Variants in CADM2 observed in about 807,000 individuals in gnomAD.
CADM2 encodes the protein cell adhesion molecule 2.
A neutral mutation model predicts 49.8 loss-of-function variants in CADM2; 12 were observed. The observed-to-expected ratio is 0.24, with a 90% confidence interval of 0.15 to 0.39. The LOEUF is 0.39. CADM2 is among the 10% of genes least tolerant of loss of function. The pLI is 1.00. For missense variants in CADM2, 378 were observed against 492.3 expected (o/e 0.77, Z 2.20); for synonymous variants, 214 against 175.4 (o/e 1.22, Z -1.74).
chr3:85,021,981 T>TTATGTGTG (rs1480501761), intron 1 of CADM2, among the ~76,000 whole-genome samples: 14 of 152,174 alleles, frequency 9.2e-5, no homozygotes, highest in Non-Finnish European at 1.9e-4. Flanking sequence ...AGAGGAACTG[T>TTATGTGTG]TATGTGTGTT....
intron 1 of CADM2, among the ~76,000 whole-genome samples, chr3:85,082,264 A>G (rs2037192492): frequency 6.6e-6 from 1 of 152,190 alleles, no homozygotes; most frequent in Non-Finnish European, 1.5e-5. Context: ...GTAATATCCA[A>G]TAAATTGATA....
intron 1 of CADM2, among the ~76,000 whole-genome samples, chr3:85,709,186 G>A (rs961357756): frequency 4.6e-5 from 7 of 152,158 alleles, no homozygotes; most frequent in South Asian, 2.1e-4. Context: ...AGTTGAAAAC[G>A]TCACCAATGC....
At chr3:85,297,843 G>A (rs1428439399) in intron 1 of CADM2, among the ~76,000 whole-genome samples, 1 of 151,958 alleles carries the variant, frequency 6.6e-6, no homozygotes, top group Non-Finnish European at 1.5e-5. Context: ...ACCTTGTCAA[G>A]GGCAAGGAAT....
Position 85,638,186 on chromosome 3 carries a change from G to T in CADM2, c.62-88336G>T, listed in dbSNP as rs2064576427. 4.6e-5 allele frequency among the ~76,000 whole-genome samples: 7 copies of T among 152,052 alleles called. No homozygotes were observed. In the South Asian group the frequency reaches 1.5e-3, roughly 32 times the overall value. On this transcript the variant is annotated intron_variant, in intron 1 of 9. Coordinates refer to ENST00000383699, the MANE Select transcript of CADM2 (RefSeq NM_001167675.2). ...ACACTTGAATTAAGTCAGACAAAAT[G>T]AGTAGCCTCTAGAAGATTGCAATTT... is the stretch of plus-strand genomic sequence containing the variant.
intron 1 of CADM2, among the ~76,000 whole-genome samples, chr3:85,651,554 C>T (rs1559570436): frequency 6.6e-6 from 1 of 151,930 alleles, no homozygotes; most frequent in African/African-American, 2.4e-5. Flanking sequence ...CTCAAAGAAA[C>T]AGATATAAAA....
chr3:85,088,242 T>C (rs1305309031), intron 1 of CADM2, among the ~76,000 whole-genome samples: 2 of 152,132 alleles, frequency 1.3e-5, no homozygotes, highest in Admixed American at 1.3e-4. Flanking sequence ...CAAAAAGTAA[T>C]GGCTCAAGTC....
At chr3:85,825,406 G>A (rs1166676743) in intron 3 of CADM2, among the ~76,000 whole-genome samples, 1 of 152,018 alleles carries the variant, frequency 6.6e-6, no homozygotes, top group African/African-American at 2.4e-5. Flanking sequence ...ATCAAAACGT[G>A]CAGCCACTAC....
chr3:85,228,263 A>G (rs1041428779), intron 1 of CADM2, among the ~76,000 whole-genome samples: 12 of 152,116 alleles, frequency 7.9e-5, no homozygotes, highest in African/African-American at 2.7e-4. Context: ...AGGTACACCA[A>G]TCAAATGTAG....
chr3:85,850,201 T>G (rs1380649541), intron 3 of CADM2, among the ~76,000 whole-genome samples: 1 of 152,042 alleles, frequency 6.6e-6, no homozygotes, highest in Non-Finnish European at 1.5e-5. Flanking sequence ...CCGAAAGGAT[T>G]ATTATCACTG....
At chr3:85,230,988 G>GT (rs901773211) in intron 1 of CADM2, among the ~76,000 whole-genome samples, 5 of 148,700 alleles carry the variant, frequency 3.4e-5, no homozygotes, top group African/African-American at 1.0e-4. Context: ...TTGCATGTTT[G>GT]TTTTTTTCTG....
chr3:85,532,620 C>T (rs62252504), intron 1 of CADM2, among the ~76,000 whole-genome samples: 46,236 of 151,830 alleles, frequency 0.3, 8,040 homozygotes, highest in East Asian at 0.55. Flanking sequence ...ATTTCATTGG[C>T]TCTTCTAGCA....
At chr3:85,250,839 G>A (rs1243206528) in intron 1 of CADM2, among the ~76,000 whole-genome samples, 1 of 151,628 alleles carries the variant, frequency 6.6e-6, no homozygotes, top group Non-Finnish European at 1.5e-5. Flanking sequence ...TGTATAGGAA[G>A]ATGTTTATTT....
At chr3:86,034,242 A>G (rs1490617761) in intron 8 of CADM2, among the ~76,000 whole-genome samples, 2 of 151,884 alleles carry the variant, frequency 1.3e-5, no homozygotes, top group Non-Finnish European at 2.9e-5. Flanking sequence ...TCTGATATGG[A>G]CTGAGAATGT....
chr3:85,058,201 G>A (rs1363030794), intron 1 of CADM2, among the ~76,000 whole-genome samples: 2 of 152,048 alleles, frequency 1.3e-5, no homozygotes, highest in Admixed American at 6.6e-5. Flanking sequence ...TTCAGGTAAT[G>A]AAACTAAAAT....
At chr3:85,943,879 A>G (rs1352287456) in intron 7 of CADM2, among the ~76,000 whole-genome samples, 2 of 152,062 alleles carry the variant, frequency 1.3e-5, no homozygotes, top group South Asian at 2.1e-4. Flanking sequence ...GAGCAAAATA[A>G]CCAGCTAACA....
At chr3:85,576,848 C>T (rs2062645280) in intron 1 of CADM2, among the ~76,000 whole-genome samples, 1 of 152,060 alleles carries the variant, frequency 6.6e-6, no homozygotes, top group African/African-American at 2.4e-5. Flanking sequence ...TACCACCCTC[C>T]CTTTTATTCT....
In CADM2 at chr3:85,589,537, T is replaced by C. The variant is rs183226374; in HGVS notation, c.62-136985T>C. The stretch of plus-strand genomic sequence containing the variant: ...CATGCTTCATTAGTATCCTGTAGGC[T>C]GGTCTAACGCAGGCCTTATACTTGG... On this transcript the variant is annotated intron_variant, in intron 1 of 9. Coordinates refer to ENST00000383699, the MANE Select transcript of CADM2 (RefSeq NM_001167675.2). Among the ~76,000 whole-genome samples, 314 of 152,130 alleles carry C rather than the reference T, an allele frequency of 2.1e-3. 2 individuals carry two copies. The highest frequency in any genetic ancestry group is 7.3e-3 in the African/African-American group (302 of 41,538).
chr3:85,601,503 GTTT>G (rs1405017128), intron 1 of CADM2, among the ~76,000 whole-genome samples: 2 of 150,994 alleles, frequency 1.3e-5, no homozygotes, highest in Non-Finnish European at 3.0e-5. Context: ...TTCATAGAGT[GTTT>G]TTGTTTTTGT....
At chr3:85,632,555 C>G (rs79744558) in intron 1 of CADM2, among the ~76,000 whole-genome samples, 4,872 of 152,146 alleles carry the variant, frequency 0.032, 179 homozygotes, top group African/African-American at 0.09. Context: ...ATAGCTAATT[C>G]TTTTCAGCAC....
Sources: gnomAD v4.1 joint callset for allele counts (sites outside exome capture counted in the v4.1 genomes callset) on GRCh38, gnomAD v4.1.1 for gene constraint, MANE v1.5 for transcripts, NCBI Gene and HGNC (gene_info 2026-07-23, HGNC 2026-07-21) for gene names.